Variants in KCNB2 observed in about 807,000 individuals in gnomAD.
KCNB2 encodes delayed rectifier potassium channel protein.
In KCNB2, 15 loss-of-function variants were observed where a neutral mutation model predicts 61.5. That is an observed-to-expected ratio of 0.24 (90% CI 0.16 to 0.38). KCNB2 has a LOEUF of 0.38. Ranked by LOEUF, KCNB2 falls within the 10% of genes least tolerant of loss-of-function variation. KCNB2 has a pLI of 1.00. For synonymous variants in KCNB2, 457 were observed against 446.0 expected (o/e 1.02, Z -0.31); for missense variants, 828 against 1,125.2 (o/e 0.74, Z 3.78).
chr8:72,619,274 A>C (rs1167392977), intron 2 of KCNB2: 13 of 619,080 alleles, frequency 2.1e-5, no homozygotes, highest in South Asian at 1.8e-4. Flanking sequence ...AAGCATTCAG[A>C]TACCTGGAAC....
intron 2 of KCNB2, among the ~76,000 whole-genome samples, chr8:72,654,605 GTTT>G (rs1806261891): frequency 6.6e-6 from 1 of 152,070 alleles, no homozygotes; most frequent in Admixed American, 6.6e-5. Context: ...AGGTACATGG[GTTT>G]TCTTAAAAAA....
intron 2 of KCNB2, among the ~76,000 whole-genome samples, chr8:72,853,558 CT>C (rs1810156502): frequency 6.6e-6 from 1 of 152,204 alleles, no homozygotes; most frequent in South Asian, 2.1e-4. Context: ...AACCTAATGT[CT>C]AGGCCTCAAT....
At chr8:72,927,211 C>T (rs994392568) in intron 2 of KCNB2, among the ~76,000 whole-genome samples, 3 of 152,014 alleles carry the variant, frequency 2.0e-5, no homozygotes, top group Non-Finnish European at 4.4e-5. Context: ...CACCGAGTAC[C>T]CTTCAGAATT....
intron 2 of KCNB2, among the ~76,000 whole-genome samples, chr8:72,630,491 A>C (rs1805862012): frequency 6.6e-6 from 1 of 152,214 alleles, no homozygotes; most frequent in African/African-American, 2.4e-5. Context: ...GTGAAACCAC[A>C]GATGAGAGGG....
In KCNB2 at chr8:72,596,087, G is replaced by A. The variant is rs567925003; in HGVS notation, c.579+27774G>A. On this transcript the variant is annotated intron_variant, in intron 2 of 2. Transcript: ENST00000523207. ...TATTATGTCCTAAGCAATGTCCTAG[G>A]TGTTCATGTAACCTTCACAGCAGCC... Among the ~76,000 whole-genome samples the A allele has an allele frequency of 7.9e-5, 12 of 152,232 alleles. No individual in the cohort carries two copies. In the South Asian group the frequency reaches 2.5e-3, roughly 32 times the overall value.
intron 2 of KCNB2, among the ~76,000 whole-genome samples, chr8:72,931,140 C>T (rs1252151535): frequency 6.6e-6 from 1 of 152,158 alleles, no homozygotes; most frequent in Non-Finnish European, 1.5e-5. Context: ...GGGCTCTGTT[C>T]TGTTCCATTG....
chr8:72,805,139 A>C (rs991649682), intron 2 of KCNB2, among the ~76,000 whole-genome samples: 6 of 152,162 alleles, frequency 3.9e-5, no homozygotes, highest in African/African-American at 1.4e-4. Flanking sequence ...GCGTTCATAC[A>C]CACGAAGTGC....
chr8:72,894,441 C>A (rs192756860), intron 2 of KCNB2, among the ~76,000 whole-genome samples: 8 of 151,934 alleles, frequency 5.3e-5, no homozygotes, highest in African/African-American at 1.2e-4. Flanking sequence ...ATGAGGGATG[C>A]GATTCAATTT....
intron 2 of KCNB2, among the ~76,000 whole-genome samples, chr8:72,610,811 C>G (rs1210160878): frequency 6.6e-6 from 1 of 152,070 alleles, no homozygotes; most frequent in Non-Finnish European, 1.5e-5. Flanking sequence ...ACGTAACATA[C>G]AGGATTTTGG....
chr8:72,750,956 G>A (rs1348181230), intron 2 of KCNB2: 2 of 152,004 alleles, frequency 1.3e-5, no homozygotes, highest in Admixed American at 6.6e-5. Flanking sequence ...TTGTAAAATT[G>A]CGTTGGAGAA....
intron 2 of KCNB2, among the ~76,000 whole-genome samples, chr8:72,916,742 G>A (rs1806408984): frequency 6.6e-6 from 1 of 152,148 alleles, no homozygotes; most frequent in East Asian, 1.9e-4. Context: ...CAGCAGGAAG[G>A]GGAGCTAAAA....
chr8:72,653,597 CAA>C (rs1806244576), intron 2 of KCNB2, among the ~76,000 whole-genome samples: 1 of 152,126 alleles, frequency 6.6e-6, no homozygotes, highest in Non-Finnish European at 1.5e-5. Context: ...GAGGAATCAG[CAA>C]ACCATGTCCC....
chr8:72,752,547 C>G (rs1378137605), intron 2 of KCNB2, among the ~76,000 whole-genome samples: 1 of 152,140 alleles, frequency 6.6e-6, no homozygotes, highest in Admixed American at 6.6e-5. Context: ...GGGAGTTACA[C>G]CATTGGCTCC....
At chr8:72,745,231 A>C (rs181385357) in intron 2 of KCNB2, among the ~76,000 whole-genome samples, 180 of 152,326 alleles carry the variant, frequency 1.2e-3, no homozygotes, top group African/African-American at 4.1e-3. Flanking sequence ...TAATCCTAAA[A>C]ATATGTGCAG....
intron 2 of KCNB2, among the ~76,000 whole-genome samples, chr8:72,667,772 T>C (rs1373091604): frequency 2.6e-5 from 4 of 152,202 alleles, no homozygotes; most frequent in Non-Finnish European, 4.4e-5. Context: ...ACAGAAATTA[T>C]GGTGATCTTT....
chr8:72,589,052 A>G (rs968740005), intron 2 of KCNB2, among the ~76,000 whole-genome samples: 1 of 152,152 alleles, frequency 6.6e-6, no homozygotes, highest in Non-Finnish European at 1.5e-5. Context: ...CAGTACAAAA[A>G]CTTGGAGGAA....
At chr8:72,717,855 C>T (rs1050256561) in intron 2 of KCNB2, among the ~76,000 whole-genome samples, 10 of 152,170 alleles carry the variant, frequency 6.6e-5, no homozygotes, top group African/African-American at 2.4e-4. Flanking sequence ...GCAAAAGAAA[C>T]TACCATCAGA....
chr8:72,858,828 T>C (rs1354847822), intron 2 of KCNB2, among the ~76,000 whole-genome samples: 2 of 152,226 alleles, frequency 1.3e-5, no homozygotes, highest in Non-Finnish European at 2.9e-5. Context: ...ATACATGTTG[T>C]CTTATACAAT....
At chr8:72,711,408 C>T (rs2251387) in intron 2 of KCNB2, among the ~76,000 whole-genome samples, 101,802 of 152,094 alleles carry the variant, frequency 0.67, 34,784 homozygotes, top group African/African-American at 0.79. Flanking sequence ...CTGTCTCTCC[C>T]GCTGTGGCCT....
Sources: allele counts gnomAD v4.1 joint callset (sites outside exome capture counted in the v4.1 genomes callset), GRCh38; gene constraint gnomAD v4.1.1; transcripts MANE v1.5; gene names NCBI Gene and HGNC (gene_info 2026-07-23, HGNC 2026-07-21).